Variants in HSD17B4 observed in about 807,000 individuals in gnomAD.
HSD17B4 encodes peroxisomal multifunctional enzyme type 2.
In HSD17B4, 70 loss-of-function variants were observed where a neutral mutation model predicts 101.0. That is an observed-to-expected ratio of 0.69 (90% CI 0.57 to 0.85). The LOEUF is 0.85. Among genes scored for constraint, HSD17B4 ranks in the 40% least tolerant of loss-of-function variants. The probability of loss-of-function intolerance (pLI) is 0.00; values close to 1 mark genes in which losing one functional copy is unlikely to be tolerated. For synonymous variants in HSD17B4, 347 were observed against 297.1 expected (o/e 1.17, Z -1.73); for missense variants, 984 against 892.4 (o/e 1.10, Z -1.31).
intron 12 of HSD17B4, among the ~76,000 whole-genome samples, chr5:119,497,344 C>A (rs1270108831): frequency 1.3e-5 from 2 of 152,160 alleles, no homozygotes; most frequent in Admixed American, 6.5e-5. Flanking sequence ...AGTACCTCAA[C>A]TGTTGATAAA....
intron 4 of HSD17B4, among the ~76,000 whole-genome samples, chr5:119,474,910 T>C (rs944737576): frequency 2.0e-5 from 3 of 152,182 alleles, no homozygotes; most frequent in African/African-American, 7.2e-5. Flanking sequence ...GTATTTCAAA[T>C]AAATTGTTGA....
intron 7 of HSD17B4, among the ~76,000 whole-genome samples, chr5:119,478,352 TA>T (rs971946144): frequency 5.9e-5 from 9 of 152,322 alleles, no homozygotes; most frequent in Admixed American, 2.0e-4. Context: ...ATTTCTAGTT[TA>T]TCCTGGTCCT....
At chr5:119,527,295 A>C in intron 20 of HSD17B4, 76 bp downstream of exon 20, 1 of 810,376 alleles carries the variant, frequency 1.2e-6, no homozygotes, top group Non-Finnish European at 2.2e-6. Flanking sequence ...TTTGGTTAGT[A>C]CTATGGATAG....
At chr5:119,471,714 G>T in intron 2 of HSD17B4, 1 of 1,366,544 alleles carries the variant, frequency 7.3e-7, no homozygotes, top group South Asian at 1.4e-5. Flanking sequence ...ATTCTCTTAA[G>T]TTCTGTTTTT....
intron 8 of HSD17B4, among the ~76,000 whole-genome samples, chr5:119,483,326 T>C (rs1014289124): frequency 3.3e-5 from 5 of 152,282 alleles, no homozygotes; most frequent in Non-Finnish European, 7.4e-5. Context: ...CCAGTTTTCC[T>C]GATGGTGGTT....
chr5:119,494,726 A>G (rs956445229), intron 11 of HSD17B4, among the ~76,000 whole-genome samples: 18 of 152,170 alleles, frequency 1.2e-4, no homozygotes, highest in African/African-American at 4.3e-4. Context: ...TTTGAGGCAG[A>G]GACTGTATCT....
chr5:119,475,875 G>GT lies in HSD17B4; in HGVS notation c.349+7dup. The stretch of plus-strand genomic sequence containing the variant: ...GGATAAGTGATGAAGACTGGGGTAA[G>GT]TTGTTTTTAGTATTTCTCTGGGGAA... On this transcript the variant is annotated splice_donor_region_variant and intron_variant, in intron 6 of 23. Coordinates refer to ENST00000510025, the MANE Select transcript of HSD17B4 (RefSeq NM_000414.4). 6.4e-7 allele frequency: 1 copy of GT among 1,572,548 alleles called. No homozygotes were observed. Among genetic ancestry groups the GT allele is most frequent in the Non-Finnish European group, 8.8e-7 (1 of 1,142,298 alleles).
intron 13 of HSD17B4, among the ~76,000 whole-genome samples, chr5:119,500,611 C>T (rs1287171936): frequency 1.3e-5 from 2 of 151,828 alleles, no homozygotes; most frequent in Non-Finnish European, 2.9e-5. Context: ...TTAGCATTTA[C>T]GTGATGTTTA....
At chr5:119,482,258 TTTC>T (rs1293391222) in intron 8 of HSD17B4, among the ~76,000 whole-genome samples, 1 of 152,180 alleles carries the variant, frequency 6.6e-6, no homozygotes, top group Admixed American at 6.5e-5. Context: ...TCACTGATTT[TTTC>T]TTCATTTCTT....
intron 12 of HSD17B4, among the ~76,000 whole-genome samples, chr5:119,497,343 A>G (rs1293866222): frequency 6.6e-6 from 1 of 152,232 alleles, no homozygotes; most frequent in Non-Finnish European, 1.5e-5. Context: ...TAGTACCTCA[A>G]CTGTTGATAA....
intron 2 of HSD17B4, among the ~76,000 whole-genome samples, chr5:119,458,861 T>G (rs748453980): frequency 6.6e-6 from 1 of 152,240 alleles, no homozygotes; most frequent in Non-Finnish European, 1.5e-5. Flanking sequence ...TTATTGGGAA[T>G]TCAGTAGTTT....
intron 21 of HSD17B4, among the ~76,000 whole-genome samples, chr5:119,530,432 G>A (rs1753966457): frequency 6.6e-6 from 1 of 151,906 alleles, no homozygotes. Context: ...TGATAAAAAT[G>A]TTTATATTCT....
intron 8 of HSD17B4, 44 bp downstream of exon 8, chr5:119,479,065 C>T (rs781378007): frequency 7.1e-7 from 1 of 1,402,386 alleles, no homozygotes; most frequent in Non-Finnish European, 1.0e-6. Context: ...TACTTACAAA[C>T]CTATGTGGAA....
In HSD17B4 at chr5:119,506,871, G is replaced by A. The variant is rs1469841100; in HGVS notation, c.1315G>A (p.Val439Ile). 1.3e-6 allele frequency: 2 copies of A among 1,558,698 alleles called. No individual in the cohort carries two copies. Among genetic ancestry groups the A allele is most frequent in the Non-Finnish European group, 1.8e-6 (2 of 1,130,726 alleles). The change falls in exon 15 of 24, where the codon GTA (valine) becomes ATA (isoleucine). Residue 439 changes from valine to isoleucine, a missense_variant. Val to Ile is a conservative substitution (Grantham distance 29). Coordinates refer to ENST00000510025, the MANE Select transcript of HSD17B4 (RefSeq NM_000414.4). ...VADVLDKGSG[V>I]VIIMDVYSYS... Reference sequence around the variant, plus strand: ...TGATGTCCTAGATAAAGGATCCGGTGTAGTGATTATTATGGATGGTAATTT... The same window carrying A: ...TGATGTCCTAGATAAAGGATCCGGTATAGTGATTATTATGGATGGTAATTT...
At chr5:119,525,821 C>T (rs1308511778) in intron 18 of HSD17B4, 96 bp from the exon 19 acceptor site, 8 of 766,976 alleles carry the variant, frequency 1.0e-5, no homozygotes, top group Admixed American at 3.5e-5. Flanking sequence ...CCTGCTAATG[C>T]AGTCTAAGGA....
At chr5:119,508,455 A>G (rs2546212) in intron 15 of HSD17B4, among the ~76,000 whole-genome samples, 3,176 of 152,324 alleles carry the variant, frequency 0.021, 96 homozygotes, top group African/African-American at 0.072. Context: ...TTTCTTTAGT[A>G]TGCAATTTAA....
chr5:119,515,625 GT>G (rs1554067086), intron 17 of HSD17B4, among the ~76,000 whole-genome samples: 4 of 152,114 alleles, frequency 2.6e-5, no homozygotes, highest in Non-Finnish European at 5.9e-5. Context: ...AGAAAAATTT[GT>G]TTAAGAAACA....
intron 13 of HSD17B4, among the ~76,000 whole-genome samples, chr5:119,500,297 T>C (rs1159077639): frequency 6.6e-6 from 1 of 151,992 alleles, no homozygotes; most frequent in African/African-American, 2.4e-5. Flanking sequence ...AATTGGGATA[T>C]GTATATATAT....
chr5:119,468,893 G>C (rs549393053), intron 2 of HSD17B4, among the ~76,000 whole-genome samples: 19 of 147,134 alleles, frequency 1.3e-4, no homozygotes, highest in Non-Finnish European at 1.2e-4. Context: ...GTAGTCTGTT[G>C]TTGAAGCTTT....
Sources: allele counts gnomAD v4.1 joint callset (sites outside exome capture counted in the v4.1 genomes callset), GRCh38; gene constraint gnomAD v4.1.1; transcripts MANE v1.5; gene names NCBI Gene and HGNC (gene_info 2026-07-23, HGNC 2026-07-21).